The following CCDC126 variants were observed in gnomAD, a reference collection of about 807,000 sequenced individuals.
CCDC126 encodes the protein coiled-coil domain-containing protein 126.
In CCDC126, 5 loss-of-function variants were observed where a neutral mutation model predicts 11.7. That is an observed-to-expected ratio of 0.43 (90% CI 0.22 to 0.90). CCDC126 has a LOEUF of 0.90. Among genes scored for constraint, CCDC126 ranks in the 40% least tolerant of loss-of-function variants. The pLI is 0.27. For synonymous variants in CCDC126, 60 were observed against 61.9 expected, an observed-to-expected ratio of 0.97 and a Z score of 0.14; for missense variants, 150 against 163.1, an observed-to-expected ratio of 0.92 and a Z score of 0.44.
chr7:23,609,115 C>A (rs2128015308), intron 2 of CCDC126, among the ~76,000 whole-genome samples: 1 of 152,158 alleles, frequency 6.6e-6, no homozygotes, highest in African/African-American at 2.4e-5. Flanking sequence ...AATGGTATTA[C>A]CTCCAGGAAC....
At chr7:23,598,324 C>G (rs1274038023) in intron 2 of CCDC126, 1 of 152,190 alleles carries the variant, frequency 6.6e-6, no homozygotes, top group African/African-American at 2.4e-5. Flanking sequence ...CTGAAGTGAC[C>G]GAAGTGGCCT....
intron 3 of CCDC126, among the ~76,000 whole-genome samples, chr7:23,621,719 T>C (rs920408542): frequency 3.9e-5 from 6 of 152,212 alleles, no homozygotes; most frequent in Non-Finnish European, 8.8e-5. Context: ...TGTGGGTTTG[T>C]CATAAATAGC....
At chr7:23,601,384 C>T (rs149775080) in intron 2 of CCDC126, among the ~76,000 whole-genome samples, 1 of 152,268 alleles carries the variant, frequency 6.6e-6, no homozygotes, top group Non-Finnish European at 1.5e-5. Context: ...GACCTTATCT[C>T]AAACAGCAAC....
At chr7:23,631,463 C>T (rs573774149) in intron 3 of CCDC126, among the ~76,000 whole-genome samples, 2 of 152,058 alleles carry the variant, frequency 1.3e-5, no homozygotes, top group Admixed American at 6.6e-5. Flanking sequence ...TTTGAATAGC[C>T]CTATTACTGT....
intron 2 of CCDC126, among the ~76,000 whole-genome samples, chr7:23,608,138 T>G (rs974398741): frequency 2.0e-5 from 3 of 152,252 alleles, no homozygotes; most frequent in Admixed American, 1.3e-4. Flanking sequence ...GTTAGCATGA[T>G]TCCAGGGTGG....
intron 3 of CCDC126, among the ~76,000 whole-genome samples, chr7:23,639,033 A>G (rs941523065): frequency 1.4e-4 from 22 of 151,910 alleles, no homozygotes; most frequent in African/African-American, 4.6e-4. Flanking sequence ...ACCAAATACT[A>G]TTGCAACTCT....
At chr7:23,623,844 T>G (rs927944407) in intron 3 of CCDC126, among the ~76,000 whole-genome samples, 3 of 152,194 alleles carry the variant, frequency 2.0e-5, no homozygotes, top group African/African-American at 7.2e-5. Context: ...ACCCATAAAT[T>G]TATACAATTA....
At chr7:23,630,549 G>C (rs1031003878) in intron 3 of CCDC126, among the ~76,000 whole-genome samples, 16 of 151,524 alleles carry the variant, frequency 1.1e-4, no homozygotes, top group Non-Finnish European at 1.5e-4. Context: ...GCTCACACCT[G>C]TAACCCCAGC....
Position 23,611,514 on chromosome 7 carries a change from A to G in CCDC126, c.199A>G (p.Thr67Ala), listed in dbSNP as rs1782710863. 4 of 1,613,756 alleles carry G rather than the reference A, an allele frequency of 2.5e-6. No homozygotes were observed. The African/African-American group carries it at 4.0e-5, about 16-fold the overall frequency. Residue 67 changes from threonine (T) to alanine (A), a missense_variant, in exon 3 of 4, where the codon ACA becomes GCA. By Grantham distance (58) the Thr-to-Ala change is moderately conservative. Coordinates refer to ENST00000307471, the MANE Select transcript of CCDC126 (RefSeq NM_138771.4). ...AGCTCTAGCAGAGGAAAATAAGAAC[A>G]CAGTGGATGTCGAGAACGGTGCTTC... ...VKALAEENKN[T>A]VDVENGASMA...
intron 3 of CCDC126, among the ~76,000 whole-genome samples, chr7:23,620,610 T>C (rs1421194333): frequency 6.6e-6 from 1 of 151,646 alleles, no homozygotes; most frequent in Non-Finnish European, 1.5e-5. Flanking sequence ...ATTTTGGCTT[T>C]TGTTGCCATT....
intron 3 of CCDC126, among the ~76,000 whole-genome samples, chr7:23,623,511 A>G (rs1215299362): frequency 1.3e-5 from 2 of 151,348 alleles, no homozygotes; most frequent in African/African-American, 4.9e-5. Flanking sequence ...CAGGAGAGTC[A>G]CTTGAACCCA....
At chr7:23,633,717 T>G (rs1313305428) in intron 3 of CCDC126, among the ~76,000 whole-genome samples, 1 of 152,060 alleles carries the variant, frequency 6.6e-6, no homozygotes, top group Non-Finnish European at 1.5e-5. Flanking sequence ...TAGCTGAGTG[T>G]GGTGGTGGGC....
chr7:23,641,789 A>G (rs1429973212), intron 3 of CCDC126, among the ~76,000 whole-genome samples: 1 of 152,228 alleles, frequency 6.6e-6, no homozygotes, highest in Non-Finnish European at 1.5e-5. Flanking sequence ...GAAACTCCAT[A>G]ACATTACAAA....
chr7:23,638,295 A>G (rs1374134443), intron 3 of CCDC126, among the ~76,000 whole-genome samples: 1 of 149,422 alleles, frequency 6.7e-6, no homozygotes, highest in Non-Finnish European at 1.5e-5. Flanking sequence ...TGGGGAAAAA[A>G]TTGAGAAATC....
At chr7:23,619,359 G>C (rs1782849830) in intron 3 of CCDC126, 2 of 368,718 alleles carry the variant, frequency 5.4e-6, no homozygotes, top group Admixed American at 3.1e-5. Flanking sequence ...ACACAAGGAA[G>C]TATGCAACCA....
At chr7:23,633,314 G>C (rs1200679259) in intron 3 of CCDC126, among the ~76,000 whole-genome samples, 6 of 151,678 alleles carry the variant, frequency 4.0e-5, no homozygotes, top group Admixed American at 3.9e-4. Context: ...CTTAAGAAGA[G>C]AAGTAATAAA....
intron 3 of CCDC126, among the ~76,000 whole-genome samples, chr7:23,617,348 CAAAAAA>C (rs35391703): frequency 8.3e-5 from 3 of 36,238 alleles, no homozygotes; most frequent in South Asian, 1.3e-3. Flanking sequence ...ATGCTGTCTC[CAAAAAA>C]AAAAAAAAAA....
chr7:23,624,158 T>C (rs1383405832), intron 3 of CCDC126, among the ~76,000 whole-genome samples: 1 of 152,226 alleles, frequency 6.6e-6, no homozygotes, highest in Non-Finnish European at 1.5e-5. Context: ...GTCTCCTTTC[T>C]TGTTTGTTAT....
chr7:23,630,746 AAGTC>A (rs1562497541), intron 3 of CCDC126, among the ~76,000 whole-genome samples: 1 of 149,410 alleles, frequency 6.7e-6, no homozygotes, highest in Non-Finnish European at 1.5e-5. Context: ...AAAAAAAAAA[AAGTC>A]CATAGAATAT....
Sources: allele counts gnomAD v4.1 joint callset (sites outside exome capture counted in the v4.1 genomes callset), GRCh38; gene constraint gnomAD v4.1.1; transcripts MANE v1.5; gene names NCBI Gene and HGNC (gene_info 2026-07-23, HGNC 2026-07-21).